Variants in TAOK3 observed in about 807,000 individuals in gnomAD.
The protein encoded by TAOK3 is TAO kinase 3, also known as serine/threonine-protein kinase TAO3.
In TAOK3, 40 loss-of-function variants were observed where a neutral mutation model predicts 120.4. The observed-to-expected ratio is 0.33, with a 90% CI of 0.26 to 0.43. The LOEUF is 0.43. Ranked by LOEUF, TAOK3 falls within the 20% of genes least tolerant of loss-of-function variation. The probability of loss-of-function intolerance (pLI) is 1.00; values close to 1 mark genes in which losing one functional copy is unlikely to be tolerated. For synonymous variants in TAOK3, 355 were observed against 387.5 expected, an observed-to-expected ratio of 0.92 and a Z score of 0.99; for missense variants, 821 against 1,112.1, an observed-to-expected ratio of 0.74 and a Z score of 3.72.
chr12:118,253,128 G>A (rs2040828310), intron 3 of TAOK3, among the ~76,000 whole-genome samples: 1 of 152,216 alleles, frequency 6.6e-6, no homozygotes, highest in South Asian at 2.1e-4. Flanking sequence ...GGAAGCAGAA[G>A]TAATGGTAGG....
chr12:118,172,605 T>C lies in TAOK3; in HGVS notation c.1751A>G (p.Lys584Arg), dbSNP rs747332274. 4.3e-6 allele frequency: 7 copies of C among 1,614,070 alleles called. No individual in the cohort carries two copies. The African/African-American group carries it at 8.0e-5, about 18-fold the overall frequency. The change falls in exon 17 of 21, where the codon AAA (lysine) becomes AGA (arginine). Residue 584 changes from lysine (K) to arginine (R), a missense_variant. By Grantham distance (26) the Lys-to-Arg change is conservative (BLOSUM62 2). Coordinates refer to ENST00000392533, the MANE Select transcript of TAOK3 (RefSeq NM_016281.4). ...PKKEKQERIS[K>R]HKENLQHTQA... ...TGTGTGCTGCAAGTTCTCTTTATGT[T>C]TGGAGATCCGCTCTTGCTTCTCTTT...
intron 1 of TAOK3, among the ~76,000 whole-genome samples, chr12:118,369,093 C>T (rs1463951455): frequency 6.6e-6 from 1 of 151,308 alleles, no homozygotes; most frequent in Non-Finnish European, 1.5e-5. Flanking sequence ...GAGGCTGAGG[C>T]AAGAGGATCG....
chr12:118,352,398 G>A (rs1397858657), intron 1 of TAOK3, among the ~76,000 whole-genome samples: 1 of 151,554 alleles, frequency 6.6e-6, no homozygotes, highest in Admixed American at 6.6e-5. Context: ...CAGCTACTCA[G>A]GAGGCTGAGG....
chr12:118,291,387 C>T (rs2042473653), intron 1 of TAOK3, among the ~76,000 whole-genome samples: 1 of 151,946 alleles, frequency 6.6e-6, no homozygotes, highest in Non-Finnish European at 1.5e-5. Flanking sequence ...TCTTGAAGTC[C>T]TGACCTTAGG....
At chr12:118,178,911 C>A (rs1012770611) in intron 15 of TAOK3, among the ~76,000 whole-genome samples, 1 of 152,170 alleles carries the variant, frequency 6.6e-6, no homozygotes, top group Non-Finnish European at 1.5e-5. Context: ...GAAGGATATA[C>A]GTAAGACGAG....
At chr12:118,338,461 G>A (rs2044456311) in intron 1 of TAOK3, among the ~76,000 whole-genome samples, 1 of 152,102 alleles carries the variant, frequency 6.6e-6, no homozygotes, top group Admixed American at 6.6e-5. Flanking sequence ...ACCACCAAAT[G>A]GTTACAATAC....
chr12:118,317,612 A>G (rs1693842254), intron 1 of TAOK3, among the ~76,000 whole-genome samples: 1 of 151,572 alleles, frequency 6.6e-6, no homozygotes, highest in Non-Finnish European at 1.5e-5. Flanking sequence ...ATTTTTAAAG[A>G]CCTAAATAAA....
chr12:118,280,822 T>C (rs2042074686), intron 1 of TAOK3, among the ~76,000 whole-genome samples: 1 of 152,234 alleles, frequency 6.6e-6, no homozygotes, highest in Non-Finnish European at 1.5e-5. Flanking sequence ...AGTCTTCCTA[T>C]CCATGAGTAT....
chr12:118,251,665 G>T (rs1359218174), intron 3 of TAOK3, among the ~76,000 whole-genome samples: 1 of 152,162 alleles, frequency 6.6e-6, no homozygotes, highest in East Asian at 1.9e-4. Flanking sequence ...AATAGACAGG[G>T]CTTAGCCCAA....
At chr12:118,296,899 C>T (rs1194094723) in intron 1 of TAOK3, 1 of 152,126 alleles carries the variant, frequency 6.6e-6, no homozygotes, top group Non-Finnish European at 1.5e-5. Flanking sequence ...ACAAATAGAG[C>T]CACTGGCTAC....
At chr12:118,218,769 C>A (rs916049187) in intron 9 of TAOK3, among the ~76,000 whole-genome samples, 1 of 151,968 alleles carries the variant, frequency 6.6e-6, no homozygotes. Flanking sequence ...GCCTGGCCAA[C>A]ATGGTGAAAC....
intron 1 of TAOK3, among the ~76,000 whole-genome samples, chr12:118,314,135 T>G (rs2043362109): frequency 6.6e-6 from 1 of 152,184 alleles, no homozygotes; most frequent in African/African-American, 2.4e-5. Flanking sequence ...TTGCCTAGGA[T>G]TTCCTGAAAT....
intron 11 of TAOK3, among the ~76,000 whole-genome samples, chr12:118,205,639 C>T (rs1009376782): frequency 3.3e-5 from 5 of 152,102 alleles, no homozygotes; most frequent in African/African-American, 4.8e-5. Flanking sequence ...GAGACAAAGT[C>T]TTACTCTATC....
At chr12:118,159,830 A>G in intron 19 of TAOK3, 1 of 361,700 alleles carries the variant, frequency 2.8e-6, no homozygotes, top group Non-Finnish European at 5.1e-6. Context: ...AGTTGCGGGG[A>G]GGGCAGTCAG....
intron 1 of TAOK3, among the ~76,000 whole-genome samples, chr12:118,306,460 G>A (rs1012207124): frequency 2.0e-5 from 3 of 152,202 alleles, no homozygotes; most frequent in Admixed American, 6.5e-5. Context: ...TTACAGGGGT[G>A]AGCCTCCTCA....
At chr12:118,233,594 A>C (rs2039883162) in intron 9 of TAOK3, 80 bp downstream of exon 9, 2 of 1,108,132 alleles carry the variant, frequency 1.8e-6, no homozygotes, top group Non-Finnish European at 2.7e-6. Context: ...AATCATTATG[A>C]TTCTTAAAAA....
rs1054280844 is a variant in TAOK3, at chr12:118,370,868, G to C, written c.-194+1780C>G. 5.9e-5 allele frequency among the ~76,000 whole-genome samples: 9 copies of C among 152,160 alleles called. No homozygotes were observed. In the South Asian group the frequency reaches 1.9e-3, roughly 32 times the overall value. On this transcript the variant is annotated intron_variant, in intron 1 of 20. Coordinates refer to ENST00000392533, the MANE Select transcript of TAOK3 (RefSeq NM_016281.4). Reference sequence around the variant, plus strand: ...CCTCCCACCAGGACACACAGTGTCTGGTTTAAATAGGTTTATCTCTCTCCT... The same window carrying C: ...CCTCCCACCAGGACACACAGTGTCTCGTTTAAATAGGTTTATCTCTCTCCT...
intron 9 of TAOK3, among the ~76,000 whole-genome samples, chr12:118,221,430 GC>G (rs2139644328): frequency 6.6e-6 from 1 of 151,918 alleles, no homozygotes; most frequent in East Asian, 1.9e-4. Context: ...CTCCATGTTG[GC>G]CAGGTGGCTG....
intron 13 of TAOK3, among the ~76,000 whole-genome samples, chr12:118,197,600 C>A (rs1487566888): frequency 6.6e-6 from 1 of 152,006 alleles, no homozygotes; most frequent in East Asian, 1.9e-4. Context: ...CTCATAGAGC[C>A]CCAGGGGTAA....
Sources: gnomAD v4.1 joint callset for allele counts (sites outside exome capture counted in the v4.1 genomes callset) on GRCh38, gnomAD v4.1.1 for gene constraint, MANE v1.5 for transcripts, NCBI Gene and HGNC (gene_info 2026-07-23, HGNC 2026-07-21) for gene names.